MTPN: variants seen among roughly 807,000 people sequenced by gnomAD.
MTPN encodes the protein myotrophin.
MTPN carries 2 observed loss-of-function variants against 13.5 expected under a neutral mutation model. That is an observed-to-expected ratio of 0.15 (90% CI 0.06 to 0.47). MTPN has a LOEUF of 0.47. Ranked by LOEUF, MTPN falls within the 20% of genes least tolerant of loss-of-function variation. The probability of loss-of-function intolerance (pLI) is 0.97; values close to 1 mark genes in which losing one functional copy is unlikely to be tolerated. For synonymous variants in MTPN, 46 were observed against 51.7 expected, an observed-to-expected ratio of 0.89 and a Z score of 0.48; for missense variants, 79 against 137.9, an observed-to-expected ratio of 0.57 and a Z score of 2.14.
At chr7:135,949,056 T>A (rs1270279314) in intron 3 of MTPN, among the ~76,000 whole-genome samples, 1 of 151,894 alleles carries the variant, frequency 6.6e-6, no homozygotes, top group Non-Finnish European at 1.5e-5. Flanking sequence ...AAAATAAAAA[T>A]AAAAAAATCA....
intron 3 of MTPN, among the ~76,000 whole-genome samples, chr7:135,938,381 G>A (rs1799149494): frequency 6.6e-6 from 1 of 152,170 alleles, no homozygotes; most frequent in Admixed American, 6.5e-5. Flanking sequence ...TGGAAAGAAA[G>A]CAATTTAGAA....
intron 1 of MTPN, among the ~76,000 whole-genome samples, chr7:135,972,782 T>C (rs1228433942): frequency 1.3e-5 from 2 of 152,130 alleles, no homozygotes; most frequent in Middle Eastern, 3.4e-3. Flanking sequence ...ACTTTTGTGA[T>C]TTCTCATTGC....
intron 1 of MTPN, among the ~76,000 whole-genome samples, chr7:135,972,622 ATTATC>A (rs1799713767): frequency 1.3e-5 from 2 of 152,180 alleles, no homozygotes; most frequent in Non-Finnish European, 2.9e-5. Flanking sequence ...AAAAGAATAT[ATTATC>A]TACCCTCCAG....
chr7:135,975,023 T>C (rs537925900), intron 1 of MTPN, among the ~76,000 whole-genome samples: 8 of 152,354 alleles, frequency 5.3e-5, no homozygotes, highest in African/African-American at 1.9e-4. Context: ...TCATATCTTT[T>C]TGGATAGTCC....
intron 3 of MTPN, 93 bp downstream of exon 3, chr7:135,950,506 C>T (rs1314845078): frequency 1.9e-6 from 2 of 1,039,272 alleles, no homozygotes; most frequent in Admixed American, 4.0e-5. Context: ...TTTTCTGTCC[C>T]TGCTGCCACA....
At chr7:135,973,112 G>C (rs763284994) in intron 1 of MTPN, among the ~76,000 whole-genome samples, 1 of 150,526 alleles carries the variant, frequency 6.6e-6, no homozygotes, top group Non-Finnish European at 1.5e-5. Context: ...TATTTTAAGG[G>C]CAGTGCAGGA....
In MTPN at chr7:135,951,607, T is replaced by C. The variant is rs1280203532; in HGVS notation, c.96A>G (p.Leu32=). The C allele has an allele frequency of 3.7e-6, 6 of 1,612,354 alleles. No homozygotes were observed. Among genetic ancestry groups the C allele is most frequent in the Non-Finnish European group, 3.4e-6 (4 of 1,178,988 alleles). ...VAKGEDVNRT[L]EGGRKPLHYA... ...AATGAAGAGGTTTCCTTCCACCTTC[T>C]AGTGTCCGGTTGACATCTTCTCCCT... Residue 32 remains leucine, a synonymous_variant, in exon 2 of 4, where the codon CTA becomes CTG. Coordinates refer to ENST00000393085, the MANE Select transcript of MTPN (RefSeq NM_145808.4).
In MTPN at chr7:135,977,353, T is replaced by C. The variant is rs1799797991; in HGVS notation, c.-253A>G. ...CTGGCCGAGGAGAGGCAGGAACCTT[T>C]ACACTTCCGGTTCACTCCCCGCTAG... On this transcript the variant is annotated 5_prime_UTR_variant, in exon 1 of 4. Coordinates refer to ENST00000393085, the MANE Select transcript of MTPN (RefSeq NM_145808.4). The C allele has an allele frequency of 1.8e-6, 1 of 541,294 alleles. No individual in the cohort carries two copies. Among genetic ancestry groups the C allele is most frequent in the Admixed American group, 3.2e-5 (1 of 31,686 alleles). 33.5% of individuals were successfully genotyped at this position (541,294 alleles called of 1,614,324 possible). A position where few individuals can be genotyped will look rare whatever the true frequency, so the allele number is the denominator to read the frequency against.
chr7:135,937,370 T>C (rs887002044), intron 3 of MTPN, among the ~76,000 whole-genome samples: 3 of 144,498 alleles, frequency 2.1e-5, no homozygotes, highest in African/African-American at 5.1e-5. Context: ...GCTAACTGGA[T>C]ACACACACAC....
At chr7:135,950,750 GAA>G in intron 2 of MTPN, 68 bp from the exon 3 acceptor site, 1 of 1,239,164 alleles carries the variant, frequency 8.1e-7, no homozygotes, top group Non-Finnish European at 1.2e-6. Flanking sequence ...GTTTTAACTA[GAA>G]AACTCTTTCT....
intron 1 of MTPN, among the ~76,000 whole-genome samples, chr7:135,957,249 G>T (rs1200569392): frequency 6.6e-6 from 1 of 152,086 alleles, no homozygotes; most frequent in Non-Finnish European, 1.5e-5. Flanking sequence ...CTGGTGAGTA[G>T]TTTAAATTAA....
At chr7:135,971,556 T>C (rs1000814764) in intron 1 of MTPN, among the ~76,000 whole-genome samples, 3 of 152,194 alleles carry the variant, frequency 2.0e-5, no homozygotes, top group Admixed American at 6.5e-5. Context: ...CCCAAGGAAG[T>C]GAGTTCACAT....
At chr7:135,933,504 A>T (rs560962138) in intron 3 of MTPN, among the ~76,000 whole-genome samples, 2 of 152,270 alleles carry the variant, frequency 1.3e-5, no homozygotes, top group South Asian at 4.2e-4. Context: ...CTATTTTGTC[A>T]AGATTAACTT....
intron 3 of MTPN, among the ~76,000 whole-genome samples, chr7:135,943,625 C>G (rs1231205938): frequency 6.6e-6 from 1 of 152,002 alleles, no homozygotes; most frequent in Non-Finnish European, 1.5e-5. Context: ...TTGAGTATAC[C>G]TTTGTTCTCA....
At chr7:135,976,213 T>C (rs896375288) in intron 1 of MTPN, among the ~76,000 whole-genome samples, 1 of 152,240 alleles carries the variant, frequency 6.6e-6, no homozygotes, top group Non-Finnish European at 1.5e-5. Flanking sequence ...TTCAGTTTTA[T>C]ATTTGGGGCT....
chr7:135,956,264 T>C (rs1280705540), intron 1 of MTPN, among the ~76,000 whole-genome samples: 2 of 152,192 alleles, frequency 1.3e-5, no homozygotes, highest in Non-Finnish European at 2.9e-5. Context: ...CGGCCTATAC[T>C]TTAGGCCTTA....
chr7:135,926,933 A>G lies in MTPN; in HGVS notation c.*2993T>C, dbSNP rs1798928569. ...AATATATCAAAATGCACAAAGCACTAGTCTTCCTCCATTACCGCTTAGAAA... is the reference window on the plus strand; with the variant it reads ...AATATATCAAAATGCACAAAGCACTGGTCTTCCTCCATTACCGCTTAGAAA... On this transcript the variant is annotated 3_prime_UTR_variant, in exon 4 of 4. Transcript: ENST00000393085. 6.1e-6 allele frequency: 1 copy of G among 163,096 alleles called. No homozygotes were observed. Among genetic ancestry groups the G allele is most frequent in the Non-Finnish European group, 1.3e-5 (1 of 75,126 alleles). The allele number at this position is 163,096 out of a possible 1,614,324, so 10.1% of individuals were successfully genotyped here.
intron 1 of MTPN, among the ~76,000 whole-genome samples, chr7:135,972,682 A>C (rs1759530070): frequency 6.6e-6 from 1 of 152,136 alleles, no homozygotes; most frequent in Non-Finnish European, 1.5e-5. Flanking sequence ...AATCACAGCA[A>C]TCTGATGAGC....
chr7:135,950,549 G>C, intron 3 of MTPN, 50 bp downstream of exon 3: 1 of 1,353,034 alleles, frequency 7.4e-7, no homozygotes, highest in Non-Finnish European at 1.0e-6. Flanking sequence ...TCAAATACTT[G>C]GCTTAAACAC....
Sources: gnomAD v4.1 joint callset for allele counts (sites outside exome capture counted in the v4.1 genomes callset) on GRCh38, gnomAD v4.1.1 for gene constraint, MANE v1.5 for transcripts, NCBI Gene and HGNC (gene_info 2026-07-23, HGNC 2026-07-21) for gene names.